The following FHOD1 variants were observed in gnomAD, a reference collection of about 807,000 sequenced individuals.
FHOD1 encodes the protein formin homology 2 domain containing 1.
FHOD1 carries 89 observed loss-of-function variants against 111.6 expected under a neutral mutation model. That is an observed-to-expected ratio of 0.80 (90% confidence interval 0.67 to 0.95). The LOEUF (loss-of-function observed/expected upper bound fraction) is 0.95, where lower values mean the gene tolerates loss of function less well. FHOD1 is among the 40% of genes least tolerant of loss of function. The pLI is 0.00. For synonymous variants in FHOD1, 618 were observed against 639.0 expected (o/e 0.97, Z 0.50); for missense variants, 1,446 against 1,554.2 (o/e 0.93, Z 1.17).
chr16:67,243,508 C>T (rs1319240866), intron 1 of FHOD1, among the ~76,000 whole-genome samples: 2 of 152,144 alleles, frequency 1.3e-5, no homozygotes, highest in Non-Finnish European at 2.9e-5. Context: ...GCCACCATGC[C>T]CAGCCTGAGC....
intron 2 of FHOD1, 91 bp downstream of exon 2, chr16:67,239,257 C>G: frequency 9.8e-7 from 1 of 1,021,038 alleles, no homozygotes; most frequent in Non-Finnish European, 1.6e-6. Flanking sequence ...ATGGCTCAGG[C>G]TAGTGATCGA....
rs764116221 is a variant in FHOD1, at chr16:67,234,201, G to C, written c.1502C>G (p.Pro501Arg). The C allele has an allele frequency of 9.7e-6, 15 of 1,546,434 alleles. No homozygotes were observed. Among genetic ancestry groups the C allele is most frequent in the African/African-American group, 4.1e-5 (3 of 72,924 alleles). The change falls in exon 13 of 22, where the codon CCC becomes CGC. Residue 501 changes from proline to arginine, a missense_variant. Physicochemically the swap from Pro to Arg is moderately radical, Grantham distance 103. This residue lies in a region of FHOD1 where 1,085 missense variants were observed against 1,108.8 expected (regional missense o/e 0.98). Transcript: ENST00000258201. ...PAARTPQSPA[P>R]CVLLRAQRSL... ...TCGCTGGGCCCGGAGCAGGACACAG[G>C]GGGCAGGGCTCTGGGGTGTTCTGGC... is the stretch of plus-strand genomic sequence containing the variant.
chr16:67,241,117 C>A (rs527536692), intron 1 of FHOD1, among the ~76,000 whole-genome samples: 1,860 of 127,134 alleles, frequency 0.015, 29 homozygotes, highest in Non-Finnish European at 0.023. Context: ...TTGGATGACC[C>A]CCCCCCCCGC....
chr16:67,230,819 G>A, intron 17 of FHOD1, 28 bp from the exon 18 acceptor site: 2 of 1,559,070 alleles, frequency 1.3e-6, no homozygotes, highest in Non-Finnish European at 1.7e-6. Flanking sequence ...TGCACATACT[G>A]TCCCCCCACA....
rs770639558 is a variant in FHOD1 at position 67,234,303 on chromosome 16, C to G, written c.1436-36G>C. The G allele has an allele frequency of 1.4e-5, 22 of 1,599,484 alleles. No homozygotes were observed. In the East Asian group the frequency reaches 3.1e-4, roughly 23 times the overall value. On this transcript the variant is annotated intron_variant, in intron 12 of 21. Coordinates refer to ENST00000258201, the MANE Select transcript of FHOD1 (RefSeq NM_013241.3). The stretch of plus-strand genomic sequence containing the variant: ...GGAAGGAGCTGTCAGTGCCATGCCC[C>G]CTGTGGGGCAACAAAGCAACAGGCA...
Position 67,232,133 on chromosome 16 carries a change from A to T in FHOD1, c.2108T>A (p.Ile703Asn). ...TGGCAGTGTGGTTAGGCCGATGTTG[A>T]TGGCGTTGCTGCGCTTGGGGTCCAG... is the stretch of plus-strand genomic sequence containing the variant. The part of the protein sequence containing the change: ...TVLDPKRSNA[I>N]NIGLTTLPPV... The change falls in exon 14 of 22, where the codon ATC becomes AAC. Residue 703 changes from isoleucine to asparagine, a missense_variant. This residue lies in a region of FHOD1 where 1,085 missense variants were observed against 1,108.8 expected (regional missense o/e 0.98). Transcript: ENST00000258201. 1 of 1,614,190 alleles carries T rather than the reference A, an allele frequency of 6.2e-7. No homozygotes were observed.
In FHOD1 at chr16:67,229,665, G is replaced by C. The variant is rs1347194798; in HGVS notation, c.3466C>G (p.Leu1156Val). The C allele has an allele frequency of 1.2e-6, 2 of 1,614,062 alleles. No individual in the cohort carries two copies. The highest frequency in any genetic ancestry group is 1.7e-6 in the Non-Finnish European group (2 of 1,180,024). Residue 1156 changes from leucine to valine, a missense_variant, in exon 22 of 22, where the codon CTA becomes GTA. Transcript: ENST00000258201. ...ACCTCCAGGCCAGGACCCTTGCTTAGTCCCAGTGCCTGCACCAGGTCATCT... is the reference window on the plus strand; with the variant it reads ...ACCTCCAGGCCAGGACCCTTGCTTACTCCCAGTGCCTGCACCAGGTCATCT... ...LGDDLVQALGLSKGPGLEV is the reference protein window; with the variant it reads ...LGDDLVQALGVSKGPGLEV
Position 67,230,351 on chromosome 16 carries a change from C to T in FHOD1, c.3014G>A (p.Arg1005His), listed in dbSNP as rs1039772478. Residue 1005 changes from arginine (R) to histidine (H), a missense_variant, in exon 19 of 22, where the codon CGT (arginine) becomes CAT (histidine). Physicochemically the swap from Arg to His is conservative, Grantham distance 29. Around this residue, in one of 3 missense-constraint regions of FHOD1, gnomAD observed 1,085 missense variants for 1,108.8 expected, o/e 0.98. Transcript: ENST00000258201. ...GCGTCCCCGGGTCTTGTTGCGCTCACGGTATGTGGCCTGCTTCTGCTGCTG... is the reference window on the plus strand; with the variant it reads ...GCGTCCCCGGGTCTTGTTGCGCTCATGGTATGTGGCCTGCTTCTGCTGCTG... ...LQQQQKQATYRERNKTRGRMI... is the reference protein window; with the variant it reads ...LQQQQKQATYHERNKTRGRMI... 8.1e-6 allele frequency: 13 copies of T among 1,614,138 alleles called. No homozygotes were observed. Among genetic ancestry groups the T allele is most frequent in the African/African-American group, 8.0e-5 (6 of 74,952 alleles).
In FHOD1 at chr16:67,229,462, GCACACACA is replaced by G. The variant is rs925434040; in HGVS notation, c.*166_*173del. 4 of 635,782 alleles carry G rather than the reference GCACACACA, an allele frequency of 6.3e-6. No individual in the cohort carries two copies. Among genetic ancestry groups the G allele is most frequent in the Non-Finnish European group, 1.1e-5 (4 of 352,774 alleles). The allele number at this position is 635,782 out of a possible 1,614,324, so 39.4% of individuals were successfully genotyped here. A position where few individuals can be genotyped will look rare whatever the true frequency, so the allele number is the denominator to read the frequency against. On this transcript the variant is annotated 3_prime_UTR_variant, in exon 22 of 22. Coordinates refer to ENST00000258201, the MANE Select transcript of FHOD1 (RefSeq NM_013241.3). ...CACACACATGCACATGCATATGCAT[GCACACACA>G]CACATACACACACACTCACATGCAT... is the stretch of plus-strand genomic sequence containing the variant.
chr16:67,230,370 G>A lies in FHOD1; in HGVS notation c.2995C>T (p.Gln999Ter). The change falls in exon 19 of 22, where the codon CAG becomes TAG. Residue 999 changes from glutamine (Q) to a stop codon, truncating the protein, a stop_gained. Transcript: ENST00000258201. LOFTEE classifies it high-confidence loss of function. The stretch of plus-strand genomic sequence containing the variant: ...CGCTCACGGTATGTGGCCTGCTTCT[G>A]CTGCTGCTGTAGCACTCGTTCCCGG... ...TCRERVLQQQ[Q>*]KQATYRERNK... is the part of the protein sequence containing the mutation. 1 of 1,614,208 alleles carries A rather than the reference G, an allele frequency of 6.2e-7. No individual in the cohort carries two copies. The highest frequency in any genetic ancestry group is 8.5e-7 in the Non-Finnish European group (1 of 1,180,036).
Position 67,236,742 on chromosome 16 carries a change from AGGGGC to A in FHOD1, c.1143-14_1143-10del. 1 of 1,046,242 alleles carries A rather than the reference AGGGGC, an allele frequency of 9.6e-7. No homozygotes were observed. The highest frequency in any genetic ancestry group is 2.4e-5 in the African/African-American group (1 of 42,304). The allele number at this position is 1,046,242 out of a possible 1,614,324, so 64.8% of individuals were successfully genotyped here. A position where few individuals can be genotyped will look rare whatever the true frequency, so the allele number is the denominator to read the frequency against. The stretch of plus-strand genomic sequence containing the variant: ...AGGCGGGGCCTGTGGGGCTGAAAGC[AGGGGC>A]TGTCAGTGGGGCGGGGCCTGAGAAG... On this transcript the variant is annotated splice_polypyrimidine_tract_variant and intron_variant, in intron 10 of 21. Coordinates refer to ENST00000258201, the MANE Select transcript of FHOD1 (RefSeq NM_013241.3).
Position 67,231,706 on chromosome 16 carries a change from G to A in FHOD1, c.2316C>T (p.Ala772=), listed in dbSNP as rs2034281291. ...GACGAGCAGCGAGGCCGCCAATGGA[G>A]GCAAGAGTCATCAGGAAGTTCTCGG... ...GPAENFLMTL[A]SIGGLAARLQ... The change falls in exon 15 of 22, where the codon GCC becomes GCT. Residue 772 remains alanine, a synonymous_variant. Transcript: ENST00000258201. This position sits in a 1 kb window ranked among gnomAD's most constrained non-coding sequence, Gnocchi z 4.3. 1.2e-6 allele frequency: 2 copies of A among 1,614,092 alleles called. No homozygotes were observed. Among genetic ancestry groups the A allele is most frequent in the Non-Finnish European group, 1.7e-6 (2 of 1,180,048 alleles).
chr16:67,244,674 AG>A (rs772772381), intron 1 of FHOD1, among the ~76,000 whole-genome samples: 9 of 152,040 alleles, frequency 5.9e-5, no homozygotes, highest in Non-Finnish European at 1.2e-4. Flanking sequence ...ATCCCCAGGG[AG>A]GGGGGTCATC....
chr16:67,234,124 C>T lies in FHOD1; in HGVS notation c.1579G>A (p.Glu527Lys), dbSNP rs1445156498. ...EPLIPASPKA[E>K]PIWELPTRAP... is the part of the protein sequence containing the mutation. Reference sequence around the variant, plus strand: ...CGGGTAGGGAGCTCCCAGATGGGCTCAGCCTTGGGGCTTGCTGGTATCAGT... The same window carrying T: ...CGGGTAGGGAGCTCCCAGATGGGCTTAGCCTTGGGGCTTGCTGGTATCAGT... Residue 527 changes from glutamate to lysine, a missense_variant, in exon 13 of 22, where the codon GAG becomes AAG. Glu to Lys is a moderately conservative substitution (Grantham distance 56). This residue lies in a region of FHOD1 where 1,085 missense variants were observed against 1,108.8 expected (regional missense o/e 0.98). Coordinates refer to ENST00000258201, the MANE Select transcript of FHOD1 (RefSeq NM_013241.3). 1.9e-6 allele frequency: 3 copies of T among 1,583,398 alleles called. No homozygotes were observed. Among genetic ancestry groups the T allele is most frequent in the African/African-American group, 2.7e-5 (2 of 74,256 alleles).
rs1442274003 is a variant in FHOD1 at position 67,237,016 on chromosome 16, GCTC to G, written c.1089_1091del (p.Arg363del). 1.2e-6 allele frequency: 2 copies of G among 1,611,054 alleles called. No homozygotes were observed. The highest frequency in any genetic ancestry group is 1.7e-6 in the Non-Finnish European group (2 of 1,178,826). Reference sequence around the variant, plus strand: ...AGCCCCCGCCTTCCAGAGAACGGCGGCTCCTCTTGCCCTCCTCAGAAGAAGGCT... The same window carrying G: ...AGCCCCCGCCTTCCAGAGAACGGCGGCTCTTGCCCTCCTCAGAAGAAGGCT... On this transcript the variant is annotated inframe_deletion, in exon 10 of 22. Coordinates refer to ENST00000258201, the MANE Select transcript of FHOD1 (RefSeq NM_013241.3). This position sits in a 1 kb window ranked among gnomAD's most constrained non-coding sequence, Gnocchi z 5.6.
At position 67,231,704 on chromosome 16, in the gene FHOD1, G is replaced by T. The variant is rs1260651623; in HGVS notation, c.2318C>A (p.Ser773Tyr). The change falls in exon 15 of 22, where the codon TCC (serine) becomes TAC (tyrosine). Residue 773 changes from serine to tyrosine, a missense_variant. Ser to Tyr is a moderately radical substitution (Grantham distance 144). Coordinates refer to ENST00000258201, the MANE Select transcript of FHOD1 (RefSeq NM_013241.3). This position sits in a 1 kb window ranked among gnomAD's most constrained non-coding sequence, Gnocchi z 4.3. ...TAGACGAGCAGCGAGGCCGCCAATGGAGGCAAGAGTCATCAGGAAGTTCTC... is the reference window on the plus strand; with the variant it reads ...TAGACGAGCAGCGAGGCCGCCAATGTAGGCAAGAGTCATCAGGAAGTTCTC... ...PAENFLMTLASIGGLAARLQL... is the reference protein window; with the variant it reads ...PAENFLMTLAYIGGLAARLQL... The T allele has an allele frequency of 6.2e-7, 1 of 1,614,192 alleles. No homozygotes were observed. The highest frequency in any genetic ancestry group is 8.5e-7 in the Non-Finnish European group (1 of 1,180,040).
intron 11 of FHOD1, among the ~76,000 whole-genome samples, chr16:67,235,796 C>T (rs2034454503): frequency 6.6e-6 from 1 of 152,198 alleles, no homozygotes. Flanking sequence ...CCATCTCTGG[C>T]TGCTAAGGTG....
Position 67,231,027 on chromosome 16 carries a change from A to T in FHOD1, c.2667+161T>A. 1 of 1,001,548 alleles carries T rather than the reference A, an allele frequency of 1.0e-6. No homozygotes were observed. Among genetic ancestry groups the T allele is most frequent in the Non-Finnish European group, 1.4e-6 (1 of 691,474 alleles). 62.0% of individuals were successfully genotyped at this position (1,001,548 alleles called of 1,614,324 possible). On this transcript the variant is annotated intron_variant, in intron 17 of 21. Transcript: ENST00000258201. The surrounding 1 kb of genome is among the most constrained non-coding windows in gnomAD (Gnocchi z 4.3). ...ACTGAGTAGGTGTGGCCAGGCCAAT[A>T]GAGGAAAGAGCATTTCTGGCAGAGG... is the stretch of plus-strand genomic sequence containing the variant.
At chr16:67,230,970 C>G (rs2034244131) in intron 17 of FHOD1, 179 bp from the exon 18 acceptor site, 1 of 839,608 alleles carries the variant, frequency 1.2e-6, no homozygotes, top group Admixed American at 2.9e-5. Flanking sequence ...AGAAGGTTTA[C>G]TGGGGGAAGT....
Sources: gnomAD v4.1 joint callset for allele counts (sites outside exome capture counted in the v4.1 genomes callset) on GRCh38, gnomAD v4.1.1 for gene constraint, gnomAD v4.1.1 regional missense constraint, Gnocchi (gnomAD v3.1) non-coding constraint, MANE v1.5 for transcripts, NCBI Gene and HGNC (gene_info 2026-07-23, HGNC 2026-07-21) for gene names.